Variants in ROBO2 observed in about 807,000 individuals in gnomAD.
ROBO2 encodes roundabout homolog 2.
In ROBO2, 53 loss-of-function variants were observed where a neutral mutation model predicts 160.8. The observed-to-expected ratio is 0.33, with a 90% CI of 0.26 to 0.41. The LOEUF (loss-of-function observed/expected upper bound fraction) is 0.41, where lower values mean the gene tolerates loss of function less well. Among genes scored for constraint, ROBO2 ranks in the 10% least tolerant of loss-of-function variants. The pLI is 1.00. For synonymous variants in ROBO2, 664 were observed against 611.7 expected (o/e 1.09, Z -1.26); for missense variants, 1,577 against 1,722.4 (o/e 0.92, Z 1.49).
intron 2 of ROBO2, among the ~76,000 whole-genome samples, chr3:77,379,094 C>T (rs1240749505): frequency 1.3e-5 from 2 of 151,984 alleles, no homozygotes; most frequent in Non-Finnish European, 2.9e-5. Context: ...ATTACAGGCA[C>T]ATGCCACCAC....
intron 2 of ROBO2, among the ~76,000 whole-genome samples, chr3:76,778,847 A>C (rs961836768): frequency 4.6e-5 from 7 of 151,098 alleles, no homozygotes; most frequent in Admixed American, 1.3e-4. Context: ...TTTGGTCCAC[A>C]AATCAGTAAT....
At chr3:77,583,239 T>C (rs950651992) in intron 16 of ROBO2, among the ~76,000 whole-genome samples, 3 of 151,966 alleles carry the variant, frequency 2.0e-5, no homozygotes, top group East Asian at 1.9e-4. Context: ...TCAGGGATGC[T>C]GTTCAGCAAT....
chr3:76,626,262 G>A (rs2089633905), intron 2 of ROBO2, among the ~76,000 whole-genome samples: 1 of 152,178 alleles, frequency 6.6e-6, no homozygotes, highest in African/African-American at 2.4e-5. Context: ...CTATGTGAAG[G>A]TGTAAGCAGA....
At chr3:76,348,941 A>G (rs572623283) in intron 2 of ROBO2, among the ~76,000 whole-genome samples, 1 of 152,272 alleles carries the variant, frequency 6.6e-6, no homozygotes, top group African/African-American at 2.4e-5. Flanking sequence ...CCATATTTAA[A>G]GCAGCTTAAG....
At chr3:77,607,818 A>G (rs1277704346) in exon 21 of ROBO2, 1 of 1,613,994 alleles carries the variant, frequency 6.2e-7, no homozygotes, top group Non-Finnish European at 8.5e-7. Context: ...TGGAAAAAAG[A>G]AGAAAAATAA....
intron 3 of ROBO2, among the ~76,000 whole-genome samples, chr3:77,480,236 T>C (rs1475783107): frequency 6.6e-6 from 1 of 152,120 alleles, no homozygotes; most frequent in Non-Finnish European, 1.5e-5. Flanking sequence ...AACCAACATG[T>C]TCTTATCTTG....
chr3:77,156,869 T>C (rs2078058546), intron 2 of ROBO2, among the ~76,000 whole-genome samples: 1 of 151,826 alleles, frequency 6.6e-6, no homozygotes, highest in Non-Finnish European at 1.5e-5. Flanking sequence ...ATAGAGTTCT[T>C]CTGTTTCTAA....
At chr3:75,947,001 G>A (rs1360705971) in intron 2 of ROBO2, among the ~76,000 whole-genome samples, 2 of 152,038 alleles carry the variant, frequency 1.3e-5, no homozygotes, top group Non-Finnish European at 2.9e-5. Context: ...GATTATGATT[G>A]TAGCAATAAA....
chr3:77,219,720 G>A (rs983004289), intron 2 of ROBO2, among the ~76,000 whole-genome samples: 1 of 151,206 alleles, frequency 6.6e-6, no homozygotes, highest in Non-Finnish European at 1.5e-5. Flanking sequence ...AAGTCACAAA[G>A]CTATTGTGAA....
chr3:77,453,365 AT>A, intron 2 of ROBO2, among the ~76,000 whole-genome samples: 1 of 147,622 alleles, frequency 6.8e-6, no homozygotes, highest in East Asian at 2.1e-4. Flanking sequence ...ATTAGTCACA[AT>A]TTTAAAGCCT....
intron 2 of ROBO2, among the ~76,000 whole-genome samples, chr3:76,901,786 T>C (rs2075256561): frequency 1.3e-5 from 2 of 151,986 alleles, no homozygotes; most frequent in Non-Finnish European, 2.9e-5. Context: ...AACATGTTCA[T>C]ATATGCAACT....
chr3:77,091,832 T>C (rs756274947), intron 1 of ROBO2, among the ~76,000 whole-genome samples: 5 of 151,672 alleles, frequency 3.3e-5, no homozygotes, highest in Non-Finnish European at 7.4e-5. Context: ...TACAAAAAAT[T>C]AGCCAGGTGT....
At position 77,636,497 on chromosome 3, in the gene ROBO2, C is replaced by G. The variant is rs909186446; in HGVS notation, c.3934+1454C>G. Among the ~76,000 whole-genome samples, 4 of 151,956 alleles carry G rather than the reference C, an allele frequency of 2.6e-5. No individual in the cohort carries two copies. In the South Asian group the frequency reaches 8.3e-4, roughly 31 times the overall value. On this transcript the variant is annotated intron_variant, in intron 24 of 25. Coordinates refer to ENST00000461745, the Ensembl canonical transcript of ROBO2. The stretch of plus-strand genomic sequence containing the variant: ...ATCCCAGCTACTGAGGAGGCTGAGG[C>G]AGGAGAATTGCTTGAACCAGGGAGT...
chr3:76,703,528 G>A (rs773329083), intron 2 of ROBO2, among the ~76,000 whole-genome samples: 24 of 151,104 alleles, frequency 1.6e-4, no homozygotes, highest in Non-Finnish European at 2.2e-4. Flanking sequence ...CCCCACCCCC[G>A]ACAGGCTCCA....
At chr3:76,276,527 T>C (rs934604602) in intron 2 of ROBO2, among the ~76,000 whole-genome samples, 26 of 152,058 alleles carry the variant, frequency 1.7e-4, no homozygotes, top group African/African-American at 6.3e-4. Flanking sequence ...CATGAAACCA[T>C]ATTCTAAACG....
chr3:77,376,767 C>T (rs368795406), intron 2 of ROBO2, among the ~76,000 whole-genome samples: 1 of 152,154 alleles, frequency 6.6e-6, no homozygotes, highest in African/African-American at 2.4e-5. Flanking sequence ...AGTATGTACT[C>T]AACACTAGCA....
intron 2 of ROBO2, among the ~76,000 whole-genome samples, chr3:77,297,153 G>T (rs2062221950): frequency 6.6e-6 from 1 of 152,080 alleles, no homozygotes; most frequent in African/African-American, 2.4e-5. Flanking sequence ...CACCACAGGT[G>T]GATCTGAGAT....
intron 19 of ROBO2, among the ~76,000 whole-genome samples, chr3:77,598,904 T>G: frequency 6.6e-6 from 1 of 152,170 alleles, no homozygotes; most frequent in East Asian, 1.9e-4. Flanking sequence ...TTTATTGAAA[T>G]AATATGACAT....
chr3:77,576,715 C>T (rs2093775166), intron 14 of ROBO2, among the ~76,000 whole-genome samples: 1 of 152,030 alleles, frequency 6.6e-6, no homozygotes, highest in South Asian at 2.1e-4. Context: ...CAAAATCTTC[C>T]CATTTCACAT....
Sources: allele counts gnomAD v4.1 joint callset (sites outside exome capture counted in the v4.1 genomes callset), GRCh38; gene constraint gnomAD v4.1.1; transcripts MANE v1.5; gene names NCBI Gene and HGNC (gene_info 2026-07-23, HGNC 2026-07-21).